Variants in GRIP1 observed in about 807,000 individuals in gnomAD.
GRIP1 encodes glutamate receptor interacting protein 1, also known as glutamate receptor-interacting protein 1.
GRIP1 carries 45 observed loss-of-function variants against 129.9 expected under a neutral mutation model. That is an observed-to-expected ratio of 0.35 (90% CI 0.27 to 0.44). The LOEUF (loss-of-function observed/expected upper bound fraction) is 0.44. Ranked by LOEUF, GRIP1 falls within the 20% of genes least tolerant of loss-of-function variation. The pLI is 1.00. For missense variants in GRIP1, 1,196 were observed against 1,396.8 expected (o/e 0.86, Z 2.29); for synonymous variants, 530 against 520.8 (o/e 1.02, Z -0.24).
intron 2 of GRIP1, among the ~76,000 whole-genome samples, chr12:66,593,924 T>C (rs1329923291): frequency 1.3e-5 from 2 of 151,800 alleles, no homozygotes; most frequent in African/African-American, 4.8e-5. Context: ...AAAAATTAGC[T>C]GGGTGTGGTG....
At chr12:66,636,927 A>G (rs2031451878) in intron 1 of GRIP1, among the ~76,000 whole-genome samples, 1 of 152,152 alleles carries the variant, frequency 6.6e-6, no homozygotes. Flanking sequence ...TGCCCAGTCT[A>G]TGACCTATTG....
intron 1 of GRIP1, among the ~76,000 whole-genome samples, chr12:66,957,653 T>C (rs896604418): frequency 6.6e-6 from 1 of 152,140 alleles, no homozygotes; most frequent in African/African-American, 2.4e-5. Flanking sequence ...ACTATGGTCA[T>C]AGGTTCTGAA....
At chr12:66,437,688 C>T (rs932663985) in intron 13 of GRIP1, among the ~76,000 whole-genome samples, 2 of 152,184 alleles carry the variant, frequency 1.3e-5, no homozygotes, top group Admixed American at 1.3e-4. Flanking sequence ...TACTTAGATA[C>T]TGCTTATGAA....
At chr12:67,030,928 T>C (rs941336570) in intron 1 of GRIP1, among the ~76,000 whole-genome samples, 1 of 151,862 alleles carries the variant, frequency 6.6e-6, no homozygotes, top group South Asian at 2.1e-4. Flanking sequence ...AAGCAACTGC[T>C]CGGTTAGCTG....
chr12:66,877,115 A>T (rs1387404056), intron 1 of GRIP1, among the ~76,000 whole-genome samples: 1 of 151,986 alleles, frequency 6.6e-6, no homozygotes, highest in Non-Finnish European at 1.5e-5. Flanking sequence ...CATAGCATTG[A>T]TATAAGGTCA....
chr12:66,476,058 C>CA (rs1565780318), intron 7 of GRIP1, among the ~76,000 whole-genome samples: 1 of 151,914 alleles, frequency 6.6e-6, no homozygotes, highest in Non-Finnish European at 1.5e-5. Context: ...AAAAACCCTT[C>CA]AAAAAATCAA....
intron 1 of GRIP1, among the ~76,000 whole-genome samples, chr12:66,713,391 A>C (rs1274123084): frequency 1.3e-5 from 2 of 152,006 alleles, no homozygotes; most frequent in African/African-American, 2.4e-5. Flanking sequence ...CTACTCAAGG[A>C]ATTTAAAATT....
At chr12:66,436,444 G>A (rs543815013) in intron 13 of GRIP1, among the ~76,000 whole-genome samples, 133 of 151,842 alleles carry the variant, frequency 8.8e-4, no homozygotes, top group Admixed American at 2.7e-3. Flanking sequence ...GAAACTTCAG[G>A]TATTATTCAT....
intron 7 of GRIP1, among the ~76,000 whole-genome samples, chr12:66,474,458 A>T (rs897547696): frequency 3.3e-5 from 5 of 152,168 alleles, no homozygotes; most frequent in African/African-American, 4.8e-5. Flanking sequence ...CCAACATTCA[A>T]ATTCAGGAAA....
intron 1 of GRIP1, among the ~76,000 whole-genome samples, chr12:66,658,745 T>A (rs1324727140): frequency 6.6e-6 from 1 of 151,246 alleles, no homozygotes; most frequent in African/African-American, 2.4e-5. Flanking sequence ...TCTCTAAAAA[T>A]AAAAATAAAA....
chr12:66,895,405 G>A (rs1025603214), intron 1 of GRIP1, among the ~76,000 whole-genome samples: 2 of 152,088 alleles, frequency 1.3e-5, no homozygotes, highest in African/African-American at 4.8e-5. Context: ...CACCATGATT[G>A]TGAGGCCTCC....
At chr12:66,827,414 G>GAGAGAA (rs2039438073) in intron 1 of GRIP1, among the ~76,000 whole-genome samples, 1 of 149,540 alleles carries the variant, frequency 6.7e-6, no homozygotes, top group African/African-American at 2.4e-5. Context: ...GAGAGAGAGA[G>GAGAGAA]AGCGCACAAG....
At chr12:66,548,784 G>A (rs2062029452) in intron 2 of GRIP1, among the ~76,000 whole-genome samples, 1 of 152,130 alleles carries the variant, frequency 6.6e-6, no homozygotes, top group Non-Finnish European at 1.5e-5. Context: ...AGTTTGTGTT[G>A]CTGCGGGTGA....
At chr12:66,678,792 T>C in intron 1 of GRIP1, 58 bp downstream of exon 1, 2 of 1,486,800 alleles carry the variant, frequency 1.3e-6, no homozygotes, top group Admixed American at 1.7e-5. Flanking sequence ...ACCATTAAAC[T>C]GTGTTTATAG....
At position 66,656,252 on chromosome 12, in the gene GRIP1, C is replaced by T. The variant is rs2136169973; in HGVS notation, c.55+22598G>A. ...TGCAACACAGCTTGGAAACTGGCAG[C>T]CACAGGCAAAATTTGAACTATAAGT... On this transcript the variant is annotated intron_variant, in intron 1 of 24. Coordinates refer to ENST00000359742, the MANE Select transcript of GRIP1 (RefSeq NM_001366722.1). Among the ~76,000 whole-genome samples, 3 of 152,148 alleles carry T rather than the reference C, an allele frequency of 2.0e-5. No homozygotes were observed. The South Asian group carries it at 6.2e-4, about 32-fold the overall frequency.
intron 1 of GRIP1, among the ~76,000 whole-genome samples, chr12:66,741,745 C>G (rs939578479): frequency 6.6e-6 from 1 of 152,184 alleles, no homozygotes; most frequent in Non-Finnish European, 1.5e-5. Context: ...TCAATTTGGA[C>G]TAGCTACATT....
chr12:66,461,809 A>T (rs1005491393), intron 9 of GRIP1, among the ~76,000 whole-genome samples: 3 of 152,204 alleles, frequency 2.0e-5, no homozygotes, highest in African/African-American at 7.2e-5. Context: ...CCCCCTCATA[A>T]GCAAAATTTC....
intron 1 of GRIP1, among the ~76,000 whole-genome samples, chr12:66,735,796 G>A (rs796800347): frequency 1.2e-4 from 18 of 152,214 alleles, no homozygotes; most frequent in African/African-American, 3.1e-4. Flanking sequence ...CTGCCATTAC[G>A]AAGACAAATC....
At chr12:66,815,016 G>A (rs776096416) in intron 1 of GRIP1, among the ~76,000 whole-genome samples, 3 of 152,022 alleles carry the variant, frequency 2.0e-5, no homozygotes, top group Non-Finnish European at 2.9e-5. Flanking sequence ...GGGATTATAG[G>A]GATTACAATT....
Sources: allele counts gnomAD v4.1 joint callset (sites outside exome capture counted in the v4.1 genomes callset), GRCh38; gene constraint gnomAD v4.1.1; transcripts MANE v1.5; gene names NCBI Gene and HGNC (gene_info 2026-07-23, HGNC 2026-07-21).